AMPH: variants seen among roughly 807,000 people sequenced by gnomAD.
AMPH encodes the protein amphiphysin (Stiff-Mann syndrome with breast cancer 128kD autoantigen).
AMPH carries 49 observed loss-of-function variants against 99.1 expected under a neutral mutation model. That is an observed-to-expected ratio of 0.49 (90% CI 0.39 to 0.63). The LOEUF (loss-of-function observed/expected upper bound fraction) is 0.63, where lower values mean the gene tolerates loss of function less well. AMPH is among the 20% of genes least tolerant of loss of function. AMPH has a pLI of 0.00. For missense variants in AMPH, 759 were observed against 863.4 expected (o/e 0.88, Z 1.52); for synonymous variants, 314 against 317.3 (o/e 0.99, Z 0.11).
chr7:38,390,974 AG>A (rs1164560743), intron 19 of AMPH, among the ~76,000 whole-genome samples: 1 of 13,718 alleles, frequency 7.3e-5, no homozygotes, highest in Non-Finnish European at 2.0e-4. Flanking sequence ...AGAGAGAGAG[AG>A]AGAGAGAGAG....
At chr7:38,458,019 T>G (rs1787299057) in intron 11 of AMPH, among the ~76,000 whole-genome samples, 1 of 151,964 alleles carries the variant, frequency 6.6e-6, no homozygotes, top group Non-Finnish European at 1.5e-5. Context: ...TAGTACCACT[T>G]GAGTCATTCC....
intron 1 of AMPH, among the ~76,000 whole-genome samples, chr7:38,629,070 G>A (rs1249095305): frequency 6.6e-6 from 1 of 152,184 alleles, no homozygotes; most frequent in South Asian, 2.1e-4. Flanking sequence ...TTGGGATGAA[G>A]AGTCTTCTCT....
chr7:38,399,056 C>T (rs1784771317), intron 17 of AMPH, among the ~76,000 whole-genome samples: 1 of 152,166 alleles, frequency 6.6e-6, no homozygotes, highest in Non-Finnish European at 1.5e-5. Context: ...AAATAAATAT[C>T]AGGAAAATAC....
intron 1 of AMPH, among the ~76,000 whole-genome samples, chr7:38,605,615 C>T (rs1793407009): frequency 6.6e-6 from 1 of 151,956 alleles, no homozygotes; most frequent in Non-Finnish European, 1.5e-5. Context: ...TCACTCTTGT[C>T]CCCAAGCAGG....
At chr7:38,445,911 C>T (rs994196316) in intron 11 of AMPH, among the ~76,000 whole-genome samples, 5 of 150,208 alleles carry the variant, frequency 3.3e-5, no homozygotes, top group Non-Finnish European at 5.9e-5. Context: ...GTCAAGAGAT[C>T]TGGTTGTTTA....
intron 14 of AMPH, chr7:38,428,541 G>A: frequency 2.2e-6 from 1 of 456,680 alleles, no homozygotes; most frequent in Non-Finnish European, 4.4e-6. Context: ...TTCAGCATCT[G>A]TACTGTCTTG....
At chr7:38,609,202 T>C (rs974973822) in intron 1 of AMPH, among the ~76,000 whole-genome samples, 50 of 152,202 alleles carry the variant, frequency 3.3e-4, no homozygotes, top group Middle Eastern at 6.8e-3. Flanking sequence ...CAGCTAATAG[T>C]ATCAAAGTCA....
At chr7:38,579,614 C>T (rs144757782) in intron 1 of AMPH, among the ~76,000 whole-genome samples, 223 of 152,300 alleles carry the variant, frequency 1.5e-3, no homozygotes, top group African/African-American at 5.1e-3. Flanking sequence ...AACTCAATAT[C>T]CTAAGACTTA....
chr7:38,578,378 T>A (rs369488876), intron 1 of AMPH, among the ~76,000 whole-genome samples: 13 of 152,340 alleles, frequency 8.5e-5, no homozygotes, highest in African/African-American at 3.1e-4. Flanking sequence ...CAGAAAACAA[T>A]TCCCAAAGAA....
chr7:38,624,278 A>T (rs954268389), intron 1 of AMPH, among the ~76,000 whole-genome samples: 2 of 150,080 alleles, frequency 1.3e-5, no homozygotes, highest in African/African-American at 5.1e-5. Context: ...ATTGCACCTA[A>T]GACAATTATA....
At chr7:38,585,057 A>T (rs1792596642) in intron 1 of AMPH, among the ~76,000 whole-genome samples, 1 of 152,166 alleles carries the variant, frequency 6.6e-6, no homozygotes, top group African/African-American at 2.4e-5. Context: ...ACATGTTCCA[A>T]CCCTCAGACT....
chr7:38,612,602 CT>C (rs1327472161), intron 1 of AMPH, among the ~76,000 whole-genome samples: 1 of 152,160 alleles, frequency 6.6e-6, no homozygotes, highest in African/African-American at 2.4e-5. Flanking sequence ...CTATCTTGGT[CT>C]TATCTAAAGA....
Position 38,465,566 on chromosome 7 carries a change from C to A in AMPH, c.667-17G>T, listed in dbSNP as rs1302088504. The stretch of plus-strand genomic sequence containing the variant: ...GTGGCAAAGCTAAGGGGACAGAGGC[C>A]ACTTGTCTATTAGTCACATGTCATT... On this transcript the variant is annotated splice_polypyrimidine_tract_variant and intron_variant, in intron 8 of 20. Coordinates refer to ENST00000356264, the MANE Select transcript of AMPH (RefSeq NM_001635.4). The A allele has an allele frequency of 1.3e-5, 20 of 1,565,612 alleles. No homozygotes were observed. Among genetic ancestry groups the A allele is most frequent in the Non-Finnish European group, 1.7e-5 (20 of 1,152,812 alleles).
intron 1 of AMPH, among the ~76,000 whole-genome samples, chr7:38,542,751 T>C (rs1337303828): frequency 6.6e-6 from 1 of 150,516 alleles, no homozygotes; most frequent in East Asian, 2.0e-4. Flanking sequence ...AGCCCAGGAG[T>C]TGGAGACCAG....
At chr7:38,529,635 C>T (rs1318034704) in intron 2 of AMPH, among the ~76,000 whole-genome samples, 2 of 152,280 alleles carry the variant, frequency 1.3e-5, no homozygotes, top group East Asian at 3.9e-4. Flanking sequence ...CTGTGTAGGG[C>T]AACTGAGGCT....
In AMPH at chr7:38,466,251, G is replaced by T; in HGVS notation, c.591-3C>A. The T allele has an allele frequency of 6.3e-7, 1 of 1,586,410 alleles. No individual in the cohort carries two copies. The highest frequency in any genetic ancestry group is 1.2e-5 in the South Asian group (1 of 85,936). On this transcript the variant is annotated splice_region_variant and splice_polypyrimidine_tract_variant and intron_variant, in intron 7 of 20. Coordinates refer to ENST00000356264, the MANE Select transcript of AMPH (RefSeq NM_001635.4). ...TATTAACATAAAATCCAACTCGTCT[G>T]CCATGTGGAAACACAAAGAGGAAAG...
rs1008419900 is a variant in AMPH at position 38,417,647 on chromosome 7, T to C, written c.1398+178A>G. On this transcript the variant is annotated intron_variant, in intron 17 of 20. Transcript: ENST00000356264. ...TCATAAGATCAGTTATCTGGATATCTTCCTTAATAAAAAATGAAAGAGAAC... is the reference window on the plus strand; with the variant it reads ...TCATAAGATCAGTTATCTGGATATCCTCCTTAATAAAAAATGAAAGAGAAC... Among the ~76,000 whole-genome samples, 3 of 152,344 alleles carry C rather than the reference T, an allele frequency of 2.0e-5. 1 individual carries two copies. In the Middle Eastern group the frequency reaches 0.01, roughly 518 times the overall value.
In AMPH at chr7:38,560,072, C is replaced by T. The variant is rs548863447; in HGVS notation, c.70-25061G>A. 4.6e-5 allele frequency among the ~76,000 whole-genome samples: 7 copies of T among 152,352 alleles called. 1 individual carries two copies. The highest frequency in any genetic ancestry group is 1.9e-4 in the East Asian group (1 of 5,186). ...TTCATTTCCTGTATGCAGTCTGCTTCGCAGTGTGACCCTTCAGCTCCTCCC... is the reference window on the plus strand; with the variant it reads ...TTCATTTCCTGTATGCAGTCTGCTTTGCAGTGTGACCCTTCAGCTCCTCCC... On this transcript the variant is annotated intron_variant, in intron 1 of 20. Coordinates refer to ENST00000356264, the MANE Select transcript of AMPH (RefSeq NM_001635.4).
chr7:38,412,240 T>C (rs1470738112), intron 17 of AMPH, among the ~76,000 whole-genome samples: 1 of 152,202 alleles, frequency 6.6e-6, no homozygotes, highest in Non-Finnish European at 1.5e-5. Flanking sequence ...TTATGTGAAT[T>C]TCACCTCAGA....
Sources: allele counts gnomAD v4.1 joint callset (sites outside exome capture counted in the v4.1 genomes callset), GRCh38; gene constraint gnomAD v4.1.1; transcripts MANE v1.5; gene names NCBI Gene and HGNC (gene_info 2026-07-23, HGNC 2026-07-21).